Variants in MED13L observed in about 807,000 individuals in gnomAD.
MED13L encodes the protein mediator complex subunit 13L.
MED13L carries 7 observed loss-of-function variants against 220.9 expected under a neutral mutation model. The ratio of observed to expected loss-of-function variants is 0.03; its 90% CI spans 0.02 to 0.06. MED13L has a LOEUF of 0.06. Among genes scored for constraint, MED13L ranks in the 10% least tolerant of loss-of-function variants. The probability of loss-of-function intolerance (pLI) is 1.00; values close to 1 mark genes in which losing one functional copy is unlikely to be tolerated. For synonymous variants in MED13L, 1,011 were observed against 1,015.2 expected, an observed-to-expected ratio of 1.00 and a Z score of 0.08; for missense variants, 1,965 against 2,760.5, an observed-to-expected ratio of 0.71 and a Z score of 6.46.
intron 2 of MED13L, among the ~76,000 whole-genome samples, chr12:116,223,924 T>C (rs1305247182): frequency 6.6e-6 from 1 of 152,228 alleles, no homozygotes; most frequent in Admixed American, 6.5e-5. Flanking sequence ...GGTGCTAGAC[T>C]GATAATCTTT....
At chr12:116,018,088 C>A (rs1366396318) in intron 7 of MED13L, among the ~76,000 whole-genome samples, 1 of 152,032 alleles carries the variant, frequency 6.6e-6, no homozygotes, top group Non-Finnish European at 1.5e-5. Flanking sequence ...TTATTGCTAC[C>A]ACTTGTATAT....
intron 2 of MED13L, among the ~76,000 whole-genome samples, chr12:116,118,745 G>C (rs781411736): frequency 2.6e-5 from 4 of 152,094 alleles, no homozygotes; most frequent in Non-Finnish European, 4.4e-5. Flanking sequence ...CAGATAATTT[G>C]ATCAACATTA....
Position 116,007,645 on chromosome 12 carries a change from C to CAA in MED13L, c.2013-11_2013-10dup, listed in dbSNP as rs542425590. ...TAGGTTGTGCTAAGAGTCTAAAAGA[C>CAA]AAAAAAAAAAAAAAAAAAAAGAGCA... On this transcript the variant is annotated splice_polypyrimidine_tract_variant and intron_variant, in intron 10 of 30. Transcript: ENST00000281928. 44,107 of 751,002 alleles carry CAA rather than the reference C, an allele frequency of 0.059. 917 individuals are homozygous for CAA. The highest frequency in any genetic ancestry group is 0.067 in the Admixed American group (1,573 of 23,610). 46.5% of individuals were successfully genotyped at this position (751,002 alleles called of 1,614,324 possible). A position where few individuals can be genotyped will look rare whatever the true frequency, so the allele number is the denominator to read the frequency against.
At chr12:116,254,074 C>T (rs1414781145) in intron 1 of MED13L, among the ~76,000 whole-genome samples, 5 of 151,852 alleles carry the variant, frequency 3.3e-5, no homozygotes, top group African/African-American at 1.2e-4. Context: ...ATTTTAAAAA[C>T]TAAGAATTAA....
intron 1 of MED13L, among the ~76,000 whole-genome samples, chr12:116,250,249 C>T (rs1181420829): frequency 6.6e-6 from 1 of 151,458 alleles, no homozygotes; most frequent in Non-Finnish European, 1.5e-5. Flanking sequence ...CAAATCTAGA[C>T]TTTTAGATCA....
At chr12:116,148,065 A>AAAAAAAG in intron 2 of MED13L, among the ~76,000 whole-genome samples, 1 of 131,526 alleles carries the variant, frequency 7.6e-6, no homozygotes, top group Non-Finnish European at 1.6e-5. Context: ...AAAAAAAAAA[A>AAAAAAAG]AAAAAAAAAG....
At chr12:116,111,865 T>A (rs185833810) in intron 2 of MED13L, among the ~76,000 whole-genome samples, 1 of 152,270 alleles carries the variant, frequency 6.6e-6, no homozygotes, top group Non-Finnish European at 1.5e-5. Flanking sequence ...AAAGTTCTAT[T>A]GAAAGGTAAA....
At chr12:116,123,306 A>G (rs1365035547) in intron 2 of MED13L, among the ~76,000 whole-genome samples, 2 of 152,234 alleles carry the variant, frequency 1.3e-5, no homozygotes, top group African/African-American at 4.8e-5. Flanking sequence ...TTCAGAAATT[A>G]CAAGGAAAAC....
chr12:115,977,563 C>G (rs1459110110), intron 23 of MED13L, among the ~76,000 whole-genome samples: 1 of 152,156 alleles, frequency 6.6e-6, no homozygotes, highest in African/African-American at 2.4e-5. Flanking sequence ...TGTCCATCAA[C>G]TAATGAATGG....
At chr12:115,982,176 A>T in intron 22 of MED13L, 1 of 582,148 alleles carries the variant, frequency 1.7e-6, no homozygotes, top group South Asian at 2.0e-5. Flanking sequence ...TTTTATGTTT[A>T]GACTTGGGCC....
chr12:116,201,916 A>G lies in MED13L; in HGVS notation c.310+35552T>C, dbSNP rs139621835. On this transcript the variant is annotated intron_variant, in intron 2 of 30. Transcript: ENST00000281928. ...AACAAGCTATCATCAAAACTCCATG[A>G]AAGTCTTTTTATGGCATTAAAGAAA... Among the ~76,000 whole-genome samples the G allele has an allele frequency of 1.6e-3, 247 of 152,316 alleles. 2 individuals are homozygous for G. Among genetic ancestry groups the G allele is most frequent in the African/African-American group, 5.7e-3 (236 of 41,570 alleles).
Position 116,256,268 on chromosome 12 carries a change from C to T in MED13L, c.73-18563G>A, listed in dbSNP as rs532724991. Among the ~76,000 whole-genome samples, 50 of 137,284 alleles carry T rather than the reference C, an allele frequency of 3.6e-4. 2 individuals are homozygous for T. The South Asian group carries it at 9.9e-3, about 27-fold the overall frequency. The allele number at this position is 137,284 out of a possible 152,430, so 90.1% of individuals were successfully genotyped here. On this transcript the variant is annotated intron_variant, in intron 1 of 30. Transcript: ENST00000281928. ...AGCCAACAGCAAATTGTGGCATATC[C>T]AAAAAAGAGACTACTATTTAGCAAA...
Position 116,116,490 on chromosome 12 carries a change from G to A in MED13L, c.311-4978C>T, listed in dbSNP as rs369011312. On this transcript the variant is annotated intron_variant, in intron 2 of 30. Transcript: ENST00000281928. ...CCTGCCCTATGCATCTCTTCCATTT[G>A]GCTGTTCTCTGTACCCTTTGTAATA... Among the ~76,000 whole-genome samples, 25 of 152,104 alleles carry A rather than the reference G, an allele frequency of 1.6e-4. No homozygotes were observed. In the East Asian group the frequency reaches 1.9e-3, roughly 12 times the overall value.
At chr12:116,120,440 TTCTCTCTCTCTCTC>T (rs67306353) in intron 2 of MED13L, among the ~76,000 whole-genome samples, 345 of 98,378 alleles carry the variant, frequency 3.5e-3, no homozygotes, top group African/African-American at 0.013. Context: ...TAATCTCTCT[TTCTCTCTCTCTCTC>T]TCTCTCTCTC....
At position 115,970,711 on chromosome 12, in the gene MED13L, G is replaced by T; in HGVS notation, c.5950C>A (p.Gln1984Lys). 6.2e-7 allele frequency: 1 copy of T among 1,614,074 alleles called. No individual in the cohort carries two copies. Among genetic ancestry groups the T allele is most frequent in the Non-Finnish European group, 8.5e-7 (1 of 1,179,964 alleles). The change falls in exon 27 of 31, where the codon CAG becomes AAG. Residue 1984 changes from glutamine to lysine, a missense_variant. Physicochemically the swap from Gln to Lys is moderately conservative, Grantham distance 53. This residue lies in a region of MED13L where 145 missense variants were observed against 328.3 expected (regional missense o/e 0.44). Coordinates refer to ENST00000281928, the MANE Select transcript of MED13L (RefSeq NM_015335.5). ...GAAGCATCTTGAGGGGTGTTGAGCT[G>T]AGATGACTGCATGTTCAGTGCAGTA... ...RSTALNMQSS[Q>K]LNTPQDASCT...
intron 7 of MED13L, among the ~76,000 whole-genome samples, chr12:116,015,667 G>A (rs1355581914): frequency 3.9e-5 from 6 of 152,174 alleles, no homozygotes; most frequent in Admixed American, 3.9e-4. Context: ...TCTTAACACA[G>A]TCAATGAGTT....
chr12:116,002,451 T>C (rs1043084877), intron 14 of MED13L, among the ~76,000 whole-genome samples: 9 of 152,192 alleles, frequency 5.9e-5, no homozygotes, highest in African/African-American at 2.2e-4. Flanking sequence ...TTTTTTCCTC[T>C]TGTAGAATAA....
chr12:116,276,903 G>T (rs892954828), intron 1 of MED13L, 157 bp downstream of exon 1: 34 of 983,276 alleles, frequency 3.5e-5, no homozygotes, highest in Admixed American at 1.9e-4. Flanking sequence ...AGAGAGAGAC[G>T]ATCCAAAAGG....
chr12:116,246,060 C>A (rs753038544), intron 1 of MED13L, among the ~76,000 whole-genome samples: 2 of 152,148 alleles, frequency 1.3e-5, no homozygotes, highest in Non-Finnish European at 2.9e-5. Flanking sequence ...GGATTTCTAA[C>A]TGCTCAACAG....
Sources: gnomAD v4.1 joint callset for allele counts (sites outside exome capture counted in the v4.1 genomes callset) on GRCh38, gnomAD v4.1.1 for gene constraint, gnomAD v4.1.1 regional missense constraint, MANE v1.5 for transcripts, NCBI Gene and HGNC (gene_info 2026-07-23, HGNC 2026-07-21) for gene names.